SLC16A2: variants seen among roughly 807,000 people sequenced by gnomAD.
The protein encoded by SLC16A2 is solute carrier family 16 member 2.
In SLC16A2, 3 loss-of-function variants were observed where a neutral mutation model predicts 27.2. The observed-to-expected ratio is 0.11, with a 90% CI of 0.05 to 0.28. The LOEUF (loss-of-function observed/expected upper bound fraction) is 0.28, where lower values mean the gene tolerates loss of function less well. Among genes scored for constraint, SLC16A2 ranks in the 10% least tolerant of loss-of-function variants. The pLI is 1.00. For synonymous variants in SLC16A2, 202 were observed against 187.8 expected (o/e 1.08, Z -0.62); for missense variants, 295 against 458.5 (o/e 0.64, Z 3.26).
chrX:74,527,693 C>CAAGAGAGAT (rs1930505763), intron 4 of SLC16A2, among the ~76,000 whole-genome samples: 1 of 112,275 alleles, frequency 8.9e-6, no homozygotes, highest in Admixed American at 9.4e-5. Flanking sequence ...TTCTCACGTC[C>CAAGAGAGAT]AAGAGAGATT....
intron 1 of SLC16A2, among the ~76,000 whole-genome samples, chrX:74,515,221 G>A (rs1462310233): frequency 1.8e-5 from 2 of 111,029 alleles, no homozygotes; most frequent in Non-Finnish European, 3.8e-5. Flanking sequence ...GAAATAAATG[G>A]AAAATTTTGG....
intron 1 of SLC16A2, among the ~76,000 whole-genome samples, chrX:74,516,214 C>A (rs1470821267): frequency 1.8e-5 from 2 of 110,770 alleles, no homozygotes; most frequent in African/African-American, 6.6e-5. Flanking sequence ...GTGTGCACCA[C>A]CATGCCCAGC....
intron 1 of SLC16A2, among the ~76,000 whole-genome samples, chrX:74,450,765 C>A (rs947566815): frequency 2.7e-5 from 3 of 112,054 alleles, no homozygotes; most frequent in Non-Finnish European, 5.6e-5. Context: ...TCTTTGATGT[C>A]CCATGAGAAG....
intron 1 of SLC16A2, among the ~76,000 whole-genome samples, chrX:74,476,492 T>A (rs1431450120): frequency 1.8e-5 from 2 of 111,855 alleles, no homozygotes; most frequent in African/African-American, 3.3e-5. Flanking sequence ...CTGATAGCCC[T>A]GGCCAGAACT....
intron 1 of SLC16A2, chrX:74,473,495 AC>A (rs1170419298): frequency 1.8e-6 from 1 of 570,644 alleles, no homozygotes; most frequent in Admixed American, 2.3e-5. Context: ...GTCAAAGGTT[AC>A]AAAGGCAAAA....
chrX:74,474,785 C>T (rs1400697778), intron 1 of SLC16A2, among the ~76,000 whole-genome samples: 1 of 110,579 alleles, frequency 9.0e-6, no homozygotes, highest in Non-Finnish European at 1.9e-5. Flanking sequence ...CAGCTTCATC[C>T]ATGTCCCTAC....
At chrX:74,486,898 C>T (rs974311016) in intron 1 of SLC16A2, among the ~76,000 whole-genome samples, 22 of 111,535 alleles carry the variant, frequency 2.0e-4, no homozygotes, top group Admixed American at 9.5e-4. Context: ...TGGAATACTA[C>T]GCAGCCGTAA....
intron 1 of SLC16A2, among the ~76,000 whole-genome samples, chrX:74,439,477 ATTTTTT>A (rs58357634): frequency 2.5e-5 from 2 of 78,561 alleles, no homozygotes; most frequent in Non-Finnish European, 4.6e-5. Flanking sequence ...GGCCCGGCTA[ATTTTTT>A]TTTTTTTTTT....
chrX:74,455,545 G>A lies in SLC16A2; in HGVS notation c.430+33478G>A, dbSNP rs936823283. ...ATGAAGAATGTGCAGGATAGGGTCA[G>A]CCTTGGTAAGTGTCCATCCAGCCAT... is the stretch of plus-strand genomic sequence containing the variant. On this transcript the variant is annotated intron_variant, in intron 1 of 5. Coordinates refer to ENST00000587091, the MANE Select transcript of SLC16A2 (RefSeq NM_006517.5). 3.4e-4 allele frequency among the ~76,000 whole-genome samples: 38 copies of A among 111,476 alleles called. No homozygotes were observed. The Admixed American group carries it at 3.4e-3, about 10-fold the overall frequency.
At chrX:74,434,767 T>A (rs1254984943) in intron 1 of SLC16A2, among the ~76,000 whole-genome samples, 1 of 109,683 alleles carries the variant, frequency 9.1e-6, no homozygotes, top group East Asian at 2.8e-4. Context: ...GAATATTGAA[T>A]GATAAAAATT....
Position 74,421,627 on chromosome X carries a change from C to T in SLC16A2, c.-11C>T. ...TCCTCTGGCCCAAGCAGCCACAGTC[C>T]CCCCGCCGCGATGGCGCTGCAAAGC... On this transcript the variant is annotated 5_prime_UTR_variant, in exon 1 of 6. Transcript: ENST00000587091. 8.3e-7 allele frequency: 1 copy of T among 1,203,786 alleles called. No homozygotes were observed.
chrX:74,453,160 G>T (rs1928974354), intron 1 of SLC16A2, among the ~76,000 whole-genome samples: 1 of 108,425 alleles, frequency 9.2e-6, no homozygotes, highest in Non-Finnish European at 1.9e-5. Flanking sequence ...TCCCGCCTCA[G>T]CCTCCCGAGT....
chrX:74,510,830 C>T (rs911645311), intron 1 of SLC16A2, among the ~76,000 whole-genome samples: 11 of 108,319 alleles, frequency 1.0e-4, no homozygotes, highest in African/African-American at 3.4e-4. Flanking sequence ...GGAGGGAGGA[C>T]GGCTTGACAC....
chrX:74,444,513 T>C lies in SLC16A2; in HGVS notation c.430+22446T>C, dbSNP rs778536961. ...AATCCGAAAGCTTGGGTTCTACCAC[T>C]ATCTGCAAATTTTACCACTATCTCC... On this transcript the variant is annotated intron_variant, in intron 1 of 5. Coordinates refer to ENST00000587091, the MANE Select transcript of SLC16A2 (RefSeq NM_006517.5). 3.6e-5 allele frequency among the ~76,000 whole-genome samples: 4 copies of C among 112,297 alleles called. No homozygotes were observed. In the East Asian group the frequency reaches 1.1e-3, roughly 32 times the overall value.
intron 1 of SLC16A2, among the ~76,000 whole-genome samples, chrX:74,422,747 G>T (rs1041962041): frequency 8.0e-5 from 9 of 112,335 alleles, no homozygotes; most frequent in African/African-American, 2.6e-4. Flanking sequence ...GGAGTGAATG[G>T]ATCTCCGTGC....
chrX:74,517,134 T>C (rs1461630564), intron 1 of SLC16A2, among the ~76,000 whole-genome samples: 1 of 112,078 alleles, frequency 8.9e-6, no homozygotes, highest in Non-Finnish European at 1.9e-5. Flanking sequence ...CAGAACTATA[T>C]GCACATATTG....
At chrX:74,495,537 C>T (rs760606402) in intron 1 of SLC16A2, among the ~76,000 whole-genome samples, 86 of 109,729 alleles carry the variant, frequency 7.8e-4, no homozygotes, top group Non-Finnish European at 1.3e-3. Context: ...CAGAGAGTCC[C>T]AGCATCAGGT....
intron 1 of SLC16A2, among the ~76,000 whole-genome samples, chrX:74,479,073 G>A (rs1275854111): frequency 8.9e-6 from 1 of 112,101 alleles, no homozygotes; most frequent in Non-Finnish European, 1.9e-5. Flanking sequence ...ATATCCGGCA[G>A]AGTGTTTTCC....
At chrX:74,519,058 T>C (rs1930361098) in intron 1 of SLC16A2, among the ~76,000 whole-genome samples, 1 of 112,516 alleles carries the variant, frequency 8.9e-6, no homozygotes, top group Non-Finnish European at 1.9e-5. Flanking sequence ...TATATGTTCT[T>C]CTAGAAGTTT....
Sources: allele counts gnomAD v4.1 joint callset (sites outside exome capture counted in the v4.1 genomes callset), GRCh38; gene constraint gnomAD v4.1.1; transcripts MANE v1.5; gene names NCBI Gene and HGNC (gene_info 2026-07-23, HGNC 2026-07-21).